GRIA4: variants seen among roughly 807,000 people sequenced by gnomAD.
GRIA4 encodes the protein glutamate receptor 4.
A neutral mutation model predicts 104.0 loss-of-function variants in GRIA4; 34 were observed. The observed-to-expected ratio is 0.33, with a 90% CI of 0.25 to 0.44. GRIA4 has a LOEUF of 0.44. Ranked by LOEUF, GRIA4 falls within the 20% of genes least tolerant of loss-of-function variation. The pLI, the probability that GRIA4 is intolerant of heterozygous loss-of-function variation, is 1.00. For missense variants in GRIA4, 750 were observed against 1,096.5 expected, an observed-to-expected ratio of 0.68 and a Z score of 4.46; for synonymous variants, 386 against 381.9, an observed-to-expected ratio of 1.01 and a Z score of -0.13.
At chr11:105,788,520 A>G (rs989158783) in intron 4 of GRIA4, among the ~76,000 whole-genome samples, 1 of 152,212 alleles carries the variant, frequency 6.6e-6, no homozygotes, top group Non-Finnish European at 1.5e-5. Context: ...ACTGTATTAA[A>G]AATATATATA....
intron 3 of GRIA4, among the ~76,000 whole-genome samples, chr11:105,747,944 T>C (rs1427425465): frequency 6.6e-6 from 1 of 152,208 alleles, no homozygotes; most frequent in Non-Finnish European, 1.5e-5. Flanking sequence ...TATTTATTAA[T>C]ATACAGGTCT....
intron 4 of GRIA4, among the ~76,000 whole-genome samples, chr11:105,772,600 G>A (rs947754072): frequency 6.6e-6 from 1 of 152,004 alleles, no homozygotes; most frequent in East Asian, 1.9e-4. Flanking sequence ...TGAGTTGGGG[G>A]TGGGTGCCCC....
At chr11:105,952,602 C>T (rs1260621330) in intron 14 of GRIA4, among the ~76,000 whole-genome samples, 1 of 152,126 alleles carries the variant, frequency 6.6e-6, no homozygotes, top group Non-Finnish European at 1.5e-5. Context: ...CATGCAAATT[C>T]CAATGAACAT....
At chr11:105,967,928 C>G (rs181913456) in intron 14 of GRIA4, among the ~76,000 whole-genome samples, 2 of 152,240 alleles carry the variant, frequency 1.3e-5, no homozygotes, top group Non-Finnish European at 2.9e-5. Context: ...TCTTTGTAAA[C>G]TTACCTTACC....
chr11:105,926,056 T>C (rs1288920727), intron 12 of GRIA4, among the ~76,000 whole-genome samples: 1 of 151,986 alleles, frequency 6.6e-6, no homozygotes, highest in Non-Finnish European at 1.5e-5. Context: ...AAAGATAACT[T>C]TGAGACATGG....
At chr11:105,764,435 T>C (rs1009702970) in intron 4 of GRIA4, among the ~76,000 whole-genome samples, 4 of 152,200 alleles carry the variant, frequency 2.6e-5, no homozygotes, top group Admixed American at 6.5e-5. Flanking sequence ...ATTTGAATCA[T>C]TTTAGTTATT....
intron 4 of GRIA4, among the ~76,000 whole-genome samples, chr11:105,754,754 G>C (rs898834150): frequency 1.3e-5 from 2 of 152,118 alleles, no homozygotes; most frequent in African/African-American, 4.8e-5. Flanking sequence ...TGTGGATTCT[G>C]TCTTCAGGAA....
chr11:105,865,458 T>C (rs1325770427), intron 5 of GRIA4, among the ~76,000 whole-genome samples: 1 of 152,212 alleles, frequency 6.6e-6, no homozygotes, highest in Non-Finnish European at 1.5e-5. Context: ...AGAATATTTT[T>C]ACTTAAATTG....
Position 105,927,015 on chromosome 11 carries a change from T to C in GRIA4, c.2046+76T>C, listed in dbSNP as rs1046872070. The C allele has an allele frequency of 1.1e-5, 10 of 907,544 alleles. No individual in the cohort carries two copies. The Admixed American group carries it at 1.6e-4, about 15-fold the overall frequency. The allele number at this position is 907,544 out of a possible 1,614,324, so 56.2% of individuals were successfully genotyped here. ...GGCAATTTTTCCAACAATTATACCA[T>C]GGGCTTTAGCTATTATAAGGTTTAC... is the stretch of plus-strand genomic sequence containing the variant. On this transcript the variant is annotated intron_variant, in intron 13 of 16. Transcript: ENST00000282499.
At chr11:105,645,616 AC>A (rs1326990894) in intron 3 of GRIA4, among the ~76,000 whole-genome samples, 3 of 152,238 alleles carry the variant, frequency 2.0e-5, no homozygotes, top group Admixed American at 2.0e-4. Flanking sequence ...GGGTAACTCT[AC>A]AAAACTTCCT....
chr11:105,910,350 A>T, intron 9 of GRIA4, 85 bp from the exon 10 acceptor site: 1 of 656,630 alleles, frequency 1.5e-6, no homozygotes, highest in Non-Finnish European at 2.8e-6. Context: ...TTGTTTGCTT[A>T]CCTATTCATA....
intron 4 of GRIA4, among the ~76,000 whole-genome samples, chr11:105,839,862 T>C (rs1168257123): frequency 6.6e-6 from 1 of 152,156 alleles, no homozygotes; most frequent in African/African-American, 2.4e-5. Context: ...TATAAAGAAA[T>C]GTTTCCAAAG....
At chr11:105,706,336 A>T (rs796807093) in intron 3 of GRIA4, 11 of 152,620 alleles carry the variant, frequency 7.2e-5, no homozygotes, top group African/African-American at 2.2e-4. Context: ...CAGATAAGGC[A>T]GGTGTCCAGT....
At chr11:105,668,239 A>ATTATAT (rs1555095733) in intron 3 of GRIA4, among the ~76,000 whole-genome samples, 3 of 136,638 alleles carry the variant, frequency 2.2e-5, no homozygotes, top group African/African-American at 8.1e-5. Flanking sequence ...ATATATATAT[A>ATTATAT]TATATATACT....
At chr11:105,679,603 T>C (rs1341997445) in intron 3 of GRIA4, among the ~76,000 whole-genome samples, 1 of 152,106 alleles carries the variant, frequency 6.6e-6, no homozygotes. Flanking sequence ...AATACTATGA[T>C]ATAAAGTTAA....
chr11:105,917,459 A>T (rs970808528), intron 10 of GRIA4, among the ~76,000 whole-genome samples: 2 of 152,204 alleles, frequency 1.3e-5, no homozygotes, highest in Non-Finnish European at 2.9e-5. Context: ...GTAGGTTGCC[A>T]TGTTATTCAT....
intron 4 of GRIA4, among the ~76,000 whole-genome samples, chr11:105,755,241 T>TA (rs528519421): frequency 5.9e-5 from 9 of 152,028 alleles, no homozygotes; most frequent in Non-Finnish European, 8.8e-5. Context: ...CTGCCTTTAA[T>TA]CCTCTTGCAA....
chr11:105,620,362 A>G (rs1379576680), intron 3 of GRIA4, among the ~76,000 whole-genome samples: 1 of 151,814 alleles, frequency 6.6e-6, no homozygotes, highest in Non-Finnish European at 1.5e-5. Flanking sequence ...GAACCTGAAG[A>G]TTTGCATAGC....
In GRIA4 at chr11:105,902,959, C is replaced by T. The variant is rs945524718; in HGVS notation, c.886-855C>T. On this transcript the variant is annotated intron_variant, in intron 7 of 16. Coordinates refer to ENST00000282499, the MANE Select transcript of GRIA4 (RefSeq NM_000829.4). ...TTTTCTAATAAGTCTCTACCACAAGCGATCCCATGTTGATTTATTTTTATA... is the reference window on the plus strand; with the variant it reads ...TTTTCTAATAAGTCTCTACCACAAGTGATCCCATGTTGATTTATTTTTATA... 6.6e-5 allele frequency among the ~76,000 whole-genome samples: 10 copies of T among 152,156 alleles called. No individual in the cohort carries two copies. In the East Asian group the frequency reaches 1.3e-3, roughly 21 times the overall value.
Sources: gnomAD v4.1 joint callset for allele counts (sites outside exome capture counted in the v4.1 genomes callset) on GRCh38, gnomAD v4.1.1 for gene constraint, MANE v1.5 for transcripts, NCBI Gene and HGNC (gene_info 2026-07-23, HGNC 2026-07-21) for gene names.